The following IQGAP3 variants were observed in gnomAD, a reference collection of about 807,000 sequenced individuals.
IQGAP3 encodes IQ motif containing GTPase activating protein 3.
Under a neutral mutation model 208.2 loss-of-function variants are expected in IQGAP3, and 165 were observed. The ratio of observed to expected loss-of-function variants is 0.79; its 90% CI spans 0.70 to 0.90. The LOEUF is 0.90. IQGAP3 is among the 40% of genes least tolerant of loss of function. The pLI, the probability that IQGAP3 is intolerant of heterozygous loss-of-function variation, is 0.00. For synonymous variants in IQGAP3, 703 were observed against 803.6 expected, an observed-to-expected ratio of 0.87 and a Z score of 2.12; for missense variants, 1,811 against 2,043.1, an observed-to-expected ratio of 0.89 and a Z score of 2.19.
chr1:156,534,465 G>A (rs1355865727), intron 29 of IQGAP3, 36 bp downstream of exon 29: 1 of 1,435,922 alleles, frequency 7.0e-7, no homozygotes, highest in Non-Finnish European at 9.5e-7. Flanking sequence ...GTGAGAAGAG[G>A]GAAGAAAGGG....
intron 11 of IQGAP3, among the ~76,000 whole-genome samples, chr1:156,560,645 G>GA (rs1294154939): frequency 1.1e-4 from 16 of 152,236 alleles, no homozygotes; most frequent in Admixed American, 2.0e-4. Context: ...CAAGCAGGTT[G>GA]AAACTGTCAA....
chr1:156,535,358 A>G, intron 27 of IQGAP3, 111 bp from the exon 28 acceptor site: 1 of 728,482 alleles, frequency 1.4e-6, no homozygotes, highest in South Asian at 1.7e-5. Flanking sequence ...CAGCCACTCC[A>G]GAGTAGAGCT....
In IQGAP3 at chr1:156,568,303, C is replaced by T. The variant is rs564593893; in HGVS notation, c.125+1073G>A. ...GATCTTGGCTCACTGCAACATCTGCCTCCTGGGTTCAAGCGATTCTCCTGC... is the reference window on the plus strand; with the variant it reads ...GATCTTGGCTCACTGCAACATCTGCTTCCTGGGTTCAAGCGATTCTCCTGC... On this transcript the variant is annotated intron_variant, in intron 2 of 37. Transcript: ENST00000361170. Among the ~76,000 whole-genome samples, 33 of 152,276 alleles carry T rather than the reference C, an allele frequency of 2.2e-4. No homozygotes were observed. In the East Asian group the frequency reaches 2.7e-3, roughly 12 times the overall value.
At chr1:156,556,770 C>T (rs998532625) in intron 11 of IQGAP3, 77 bp from the exon 12 acceptor site, 13 of 1,338,268 alleles carry the variant, frequency 9.7e-6, no homozygotes, top group East Asian at 2.7e-5. Context: ...AACTAGGCTC[C>T]GCCGGGGGAT....
intron 2 of IQGAP3, among the ~76,000 whole-genome samples, chr1:156,567,624 T>G (rs1222307566): frequency 6.6e-6 from 1 of 152,204 alleles, no homozygotes; most frequent in Non-Finnish European, 1.5e-5. Flanking sequence ...TTGGAAAGTA[T>G]CTGTTTCCAA....
At chr1:156,550,188 TG>T in intron 16 of IQGAP3, 72 bp downstream of exon 16, 1 of 1,071,588 alleles carries the variant, frequency 9.3e-7, no homozygotes, top group Non-Finnish European at 1.4e-6. Context: ...GGAGGCTGCC[TG>T]ATTATCTGGG....
intron 25 of IQGAP3, 54 bp from the exon 26 acceptor site, chr1:156,539,087 C>T (rs1370981329): frequency 5.0e-5 from 75 of 1,496,796 alleles, no homozygotes; most frequent in East Asian, 1.7e-4. Flanking sequence ...TAGGACATAC[C>T]GTTGCTTTTC....
At chr1:156,557,915 C>G (rs1448633983) in intron 11 of IQGAP3, among the ~76,000 whole-genome samples, 5 of 12,548 alleles carry the variant, frequency 4.0e-4, no homozygotes, top group African/African-American at 8.8e-4. Context: ...GCCGCCCCGT[C>G]CGGGAGGGAG....
intron 4 of IQGAP3, 64 bp from the exon 5 acceptor site, chr1:156,564,755 G>T (rs1676325135): frequency 2.6e-6 from 3 of 1,147,322 alleles, no homozygotes; most frequent in Admixed American, 3.4e-5. Context: ...ATGCGGAGAG[G>T]GGGTGCCGAG....
chr1:156,572,418 A>G (rs189847788), intron 1 of IQGAP3, 75 bp downstream of exon 1: 472 of 1,484,706 alleles, frequency 3.2e-4, no homozygotes, highest in Middle Eastern at 1.5e-3. Context: ...ACACGCCCCA[A>G]TCTCTCCCGG....
At chr1:156,544,568 G>T in intron 19 of IQGAP3, 96 bp from the exon 20 acceptor site, 1 of 1,004,686 alleles carries the variant, frequency 1.0e-6, no homozygotes. Flanking sequence ...TCCAGGGAAT[G>T]GAAGGGGGCA....
At chr1:156,546,583 C>T (rs1023497652) in intron 19 of IQGAP3, among the ~76,000 whole-genome samples, 2 of 152,164 alleles carry the variant, frequency 1.3e-5, no homozygotes, top group Non-Finnish European at 2.9e-5. Flanking sequence ...TAATGGCTCC[C>T]ATCAACGGAG....
chr1:156,566,938 C>T (rs192665226), intron 2 of IQGAP3, among the ~76,000 whole-genome samples: 1 of 150,468 alleles, frequency 6.6e-6, no homozygotes, highest in African/African-American at 2.5e-5. Context: ...GCGATCTTGG[C>T]TCACTGCAAC....
rs776816740 is a variant in IQGAP3, at chr1:156,539,495, G to A, written c.2935C>T (p.Gln979Ter). The change falls in exon 25 of 38, where the codon CAG (glutamine) becomes TAG (stop). Residue 979 changes from glutamine to a stop codon, truncating the protein, a stop_gained. Coordinates refer to ENST00000361170, the MANE Select transcript of IQGAP3 (RefSeq NM_178229.5). LOFTEE classifies it high-confidence loss of function. ...YLAKLIFQMP[Q>*]NKTTKFMEAV... is the part of the protein sequence containing the mutation. ...TCCATGAACTTGGTGGTTTTGTTCTGTGGCATCTGAAAGATCAGCTTGGCC... is the reference window on the plus strand; with the variant it reads ...TCCATGAACTTGGTGGTTTTGTTCTATGGCATCTGAAAGATCAGCTTGGCC... 1.2e-6 allele frequency: 2 copies of A among 1,614,202 alleles called. No homozygotes were observed. The highest frequency in any genetic ancestry group is 1.7e-6 in the Non-Finnish European group (2 of 1,180,024).
At chr1:156,570,994 C>T (rs1676622799) in intron 1 of IQGAP3, among the ~76,000 whole-genome samples, 2 of 152,178 alleles carry the variant, frequency 1.3e-5, no homozygotes, top group Admixed American at 6.5e-5. Flanking sequence ...ACATGCCACT[C>T]ACTTGGGATT....
intron 1 of IQGAP3, among the ~76,000 whole-genome samples, chr1:156,572,156 C>A (rs1344512393): frequency 6.6e-6 from 1 of 152,218 alleles, no homozygotes; most frequent in Non-Finnish European, 1.5e-5. Flanking sequence ...GGTGGCATCG[C>A]TGGGCAAGTT....
intron 12 of IQGAP3, among the ~76,000 whole-genome samples, chr1:156,555,356 G>A (rs1675778628): frequency 1.3e-5 from 2 of 152,106 alleles, no homozygotes; most frequent in Admixed American, 1.3e-4. Context: ...TGGAGTAGCT[G>A]GGATTTCAGG....
In IQGAP3 at chr1:156,554,300, G is replaced by A. The variant is rs1251452496; in HGVS notation, c.1383C>T (p.Gly461=). The A allele has an allele frequency of 6.2e-7, 1 of 1,614,158 alleles. No homozygotes were observed. The highest frequency in any genetic ancestry group is 8.5e-7 in the Non-Finnish European group (1 of 1,180,014). The change falls in exon 13 of 38, where the codon GGC becomes GGT. Residue 461 remains glycine, a synonymous_variant. Coordinates refer to ENST00000361170, the MANE Select transcript of IQGAP3 (RefSeq NM_178229.5). ...NRALEARDAS[G]FWSSLVNPAT... ...CAGGGTTCACCAGGCTGCTCCAGAAGCCACTGGCATCCCGGGCCTCCAGGG... is the reference window on the plus strand; with the variant it reads ...CAGGGTTCACCAGGCTGCTCCAGAAACCACTGGCATCCCGGGCCTCCAGGG...
chr1:156,564,665 G>C lies in IQGAP3; in HGVS notation c.387C>G (p.Ile129Met), dbSNP rs1676319570. ...PSTFFPETTDIYDKKNMPRVV... is the reference protein window; with the variant it reads ...PSTFFPETTDMYDKKNMPRVV... ...CCCGGGGCATGTTCTTTTTGTCATA[G>C]ATGTCCGTGGTCTCTGGGAAGAAGG... The change falls in exon 5 of 38, where the codon ATC (isoleucine) becomes ATG (methionine). Residue 129 changes from isoleucine to methionine, a missense_variant. Physicochemically the swap from Ile to Met is conservative, Grantham distance 10. Transcript: ENST00000361170. 5.6e-6 allele frequency: 9 copies of C among 1,613,748 alleles called. No homozygotes were observed. In the South Asian group the frequency reaches 9.9e-5, roughly 18 times the overall value.
Sources: gnomAD v4.1 joint callset for allele counts (sites outside exome capture counted in the v4.1 genomes callset) on GRCh38, gnomAD v4.1.1 for gene constraint, MANE v1.5 for transcripts, NCBI Gene and HGNC (gene_info 2026-07-23, HGNC 2026-07-21) for gene names.